IGFL2: variants seen among roughly 807,000 people sequenced by gnomAD.
IGFL2 encodes the protein IGF like family member 2, also known as insulin growth factor-like family member 2.
In IGFL2, 7 loss-of-function variants were observed where a neutral mutation model predicts 13.9. That is an observed-to-expected ratio of 0.51 (90% confidence interval 0.29 to 0.95). The LOEUF is 0.95. Among genes scored for constraint, IGFL2 ranks in the 40% least tolerant of loss-of-function variants. The pLI is 0.08. For missense variants in IGFL2, 138 were observed against 147.8 expected (o/e 0.93, Z 0.34); for synonymous variants, 55 against 55.8 (o/e 0.99, Z 0.07).
chr19:46,137,517 A>G, the IGFL2 span: 1 of 1,104,170 alleles, frequency 9.1e-7, no homozygotes, highest in Non-Finnish European at 1.4e-6. Flanking sequence ...CCTGAGCCAG[A>G]GGATGAAGGA....
At chr19:46,142,239 C>G (rs779528144), upstream of IGFL2, among the ~76,000 whole-genome samples, 1 of 152,216 alleles carries the variant, frequency 6.6e-6, no homozygotes, top group African/African-American at 2.4e-5. Flanking sequence ...GTGAATCCAT[C>G]TTGGGAAGTA....
the IGFL2 span, among the ~76,000 whole-genome samples, chr19:46,109,658 C>T: frequency 6.6e-6 from 1 of 151,838 alleles, no homozygotes; most frequent in South Asian, 2.1e-4. Flanking sequence ...TACAAAGTAC[C>T]TTGTTAAGGG....
At chr19:46,168,017 T>C in the IGFL2 span, among the ~76,000 whole-genome samples, 3 of 152,242 alleles carry the variant, frequency 2.0e-5, no homozygotes, top group Non-Finnish European at 4.4e-5. Flanking sequence ...TATCTTAATA[T>C]GTATTATCTA....
At chr19:46,120,288 C>G in the IGFL2 span, 24 of 1,609,918 alleles carry the variant, frequency 1.5e-5, 2 homozygotes, top group South Asian at 1.9e-4. Context: ...TGCTTCGTCT[C>G]TTCTCCCCTT....
the IGFL2 span, chr19:46,210,180 T>C: frequency 1.3e-5 from 2 of 152,070 alleles, no homozygotes; most frequent in Admixed American, 1.3e-4. Flanking sequence ...CAAAGAAACA[T>C]GGTAAGAGCG....
chr19:46,092,477 C>A, the IGFL2 span, among the ~76,000 whole-genome samples: 2 of 151,454 alleles, frequency 1.3e-5, no homozygotes, highest in African/African-American at 4.9e-5. Flanking sequence ...CCAAAAAATA[C>A]AAAAATTAGC....
At chr19:46,082,406 A>G in the IGFL2 span, among the ~76,000 whole-genome samples, 1 of 152,202 alleles carries the variant, frequency 6.6e-6, no homozygotes, top group African/African-American at 2.4e-5. Flanking sequence ...CTTGATCCCC[A>G]CAGGGTGGAG....
chr19:46,137,682 G>C, the IGFL2 span: 5 of 562,216 alleles, frequency 8.9e-6, no homozygotes, highest in East Asian at 1.3e-4. Flanking sequence ...GCCCAGCCTT[G>C]GTCCCCGGCT....
chr19:46,121,550 T>A, the IGFL2 span, among the ~76,000 whole-genome samples: 2 of 149,512 alleles, frequency 1.3e-5, 1 homozygote, highest in African/African-American at 5.0e-5. Context: ...AAAGAAAAAT[T>A]GAGGAATTAT....
At chr19:46,089,081 G>T in the IGFL2 span, among the ~76,000 whole-genome samples, 1 of 151,874 alleles carries the variant, frequency 6.6e-6, no homozygotes, top group African/African-American at 2.4e-5. Flanking sequence ...GTTCCTTTGT[G>T]GTTAAGTGAT....
intron 1 of IGFL2, 124 bp downstream of exon 1, chr19:46,148,421 G>A: frequency 2.3e-6 from 2 of 860,178 alleles, no homozygotes; most frequent in Non-Finnish European, 3.8e-6. Context: ...AATCACCCGT[G>A]TCCTCTCTGA....
intron 1 of IGFL2, among the ~76,000 whole-genome samples, chr19:46,149,841 T>C (rs1600900922): frequency 6.6e-6 from 1 of 152,326 alleles, no homozygotes; most frequent in East Asian, 1.9e-4. Flanking sequence ...TACAAACATA[T>C]GTATACATGT....
At chr19:46,167,814 G>A in the IGFL2 span, among the ~76,000 whole-genome samples, 584 of 152,248 alleles carry the variant, frequency 3.8e-3, 2 homozygotes, top group Middle Eastern at 0.01. Flanking sequence ...ACACACAAAA[G>A]AAGAGGCCAT....
At chr19:46,193,366 A>G in the IGFL2 span, among the ~76,000 whole-genome samples, 1 of 152,134 alleles carries the variant, frequency 6.6e-6, no homozygotes, top group Non-Finnish European at 1.5e-5. Context: ...AGTCTCCAGT[A>G]GCTGTCTCAG....
the IGFL2 span, among the ~76,000 whole-genome samples, chr19:46,099,771 C>T: frequency 1.3e-5 from 2 of 152,150 alleles, no homozygotes; most frequent in Non-Finnish European, 2.9e-5. Flanking sequence ...CGTGATCCAC[C>T]TGCCTCAGCC....
At chr19:46,130,076 A>T in the IGFL2 span, among the ~76,000 whole-genome samples, 15 of 119,802 alleles carry the variant, frequency 1.3e-4, no homozygotes, top group Admixed American at 1.0e-3. Context: ...TAGGATAGTT[A>T]GGCCTTCTTG....
the IGFL2 span, among the ~76,000 whole-genome samples, chr19:46,188,257 G>T: frequency 1.3e-5 from 2 of 152,240 alleles, no homozygotes; most frequent in South Asian, 4.2e-4. Context: ...AGGGCATCTT[G>T]TGCATGTCAG....
At chr19:46,201,214 CAA>C in the IGFL2 span, among the ~76,000 whole-genome samples, 1 of 152,232 alleles carries the variant, frequency 6.6e-6, no homozygotes, top group Non-Finnish European at 1.5e-5. Context: ...ACCCTCCTCA[CAA>C]GAGAGATACA....
chr19:46,145,600 A>ATGTGTGTG (rs1024196099), upstream of IGFL2, among the ~76,000 whole-genome samples: 3,093 of 94,494 alleles, frequency 0.033, 108 homozygotes, highest in African/African-American at 0.078. Context: ...ACTCATATAT[A>ATGTGTGTG]TGTGTGTGTG....
Sources: gnomAD v4.1 joint callset for allele counts (sites outside exome capture counted in the v4.1 genomes callset) on GRCh38, gnomAD v4.1.1 for gene constraint, MANE v1.5 for transcripts, NCBI Gene and HGNC (gene_info 2026-07-23, HGNC 2026-07-21) for gene names.